CCL26: variants seen among roughly 807,000 people sequenced by gnomAD.
CCL26 encodes C-C motif chemokine 26.
In CCL26, 10 loss-of-function variants were observed where a neutral mutation model predicts 10.7. That is an observed-to-expected ratio of 0.93 (90% CI 0.57 to 1.58). CCL26 has a LOEUF of 1.58. CCL26 is among the 40% of genes most tolerant of loss of function. CCL26 has a pLI of 0.00. For missense variants in CCL26, 116 were observed against 111.0 expected (o/e 1.05, Z -0.20); for synonymous variants, 43 against 41.4 (o/e 1.04, Z -0.15).
At chr7:75,785,812 C>A (rs1803171429) in intron 1 of CCL26, among the ~76,000 whole-genome samples, 1 of 152,190 alleles carries the variant, frequency 6.6e-6, no homozygotes, top group Non-Finnish European at 1.5e-5. Flanking sequence ...TCATCCCAAC[C>A]CTTTTCATTA....
chr7:75,779,325 C>T lies in CCL26; in HGVS notation c.-78-7071G>A, dbSNP rs907206437. On this transcript the variant is annotated intron_variant, in intron 1 of 3. Coordinates refer to the CCL26 transcript ENST00000394905. ...GCGAGTGGAATTTGGTGCTGTGACT[C>T]GGATCGGGGGACCTCCCTTGGGAGA... 2.6e-5 allele frequency among the ~76,000 whole-genome samples: 4 copies of T among 152,188 alleles called. 1 individual carries two copies. The South Asian group carries it at 8.3e-4, about 32-fold the overall frequency.
chr7:75,769,815 C>A, intron 2 of CCL26, 26 bp from the exon 3 acceptor site: 1 of 1,413,598 alleles, frequency 7.1e-7, no homozygotes, highest in South Asian at 1.2e-5. Context: ...ACGGATAAGT[C>A]AATATTGAGA....
intron 1 of CCL26, among the ~76,000 whole-genome samples, chr7:75,781,221 C>T (rs552423128): frequency 3.9e-5 from 6 of 152,324 alleles, no homozygotes; most frequent in South Asian, 2.1e-4. Flanking sequence ...TCAAACCCCA[C>T]GACAGGACTT....
In CCL26 at chr7:75,787,651, C is replaced by CAAAAAAAAAAA. The variant is rs55770109; in HGVS notation, c.-79+2055_-79+2065dup. On this transcript the variant is annotated intron_variant, in intron 1 of 3. Transcript: ENST00000394905. The stretch of plus-strand genomic sequence containing the variant: ...CAGAGTGAGACTCCGTCTCCAAAAG[C>CAAAAAAAAAAA]AAAAAAAAAAAAAAAAAAAAAAAGA... 2.9e-3 allele frequency among the ~76,000 whole-genome samples: 80 copies of CAAAAAAAAAAA among 27,726 alleles called. 14 individuals carry two copies. Among genetic ancestry groups the CAAAAAAAAAAA allele is most frequent in the South Asian group, 9.1e-3 (3 of 328 alleles). 18.2% of individuals were successfully genotyped at this position (27,726 alleles called of 152,430 possible). A position where few individuals can be genotyped will look rare whatever the true frequency, so the allele number is the denominator to read the frequency against.
At chr7:75,786,297 A>G (rs1803182998) in intron 1 of CCL26, among the ~76,000 whole-genome samples, 1 of 152,004 alleles carries the variant, frequency 6.6e-6, no homozygotes, top group Non-Finnish European at 1.5e-5. Flanking sequence ...TGGCAGTTCC[A>G]CCAGGCCTGA....
chr7:75,774,922 T>TA (rs1349833340), upstream of CCL26, among the ~76,000 whole-genome samples: 6 of 151,016 alleles, frequency 4.0e-5, no homozygotes, highest in East Asian at 2.0e-4. Flanking sequence ...TCTGTCTCTT[T>TA]AAAAAAAGAA....
At chr7:75,778,769 A>C (rs578259653) in intron 1 of CCL26, among the ~76,000 whole-genome samples, 26 of 151,850 alleles carry the variant, frequency 1.7e-4, no homozygotes, top group African/African-American at 6.3e-4. Context: ...CATGCCCATA[A>C]AACTAATCTT....
chr7:75,778,943 A>T (rs375934522), intron 1 of CCL26, among the ~76,000 whole-genome samples: 10 of 152,130 alleles, frequency 6.6e-5, no homozygotes, highest in African/African-American at 2.4e-4. Context: ...CTAAGCCATC[A>T]TATCCCCAGT....
At chr7:75,791,519 G>A (rs1803333060), upstream of CCL26, among the ~76,000 whole-genome samples, 1 of 139,720 alleles carries the variant, frequency 7.2e-6, no homozygotes, top group Non-Finnish European at 1.6e-5. Context: ...TCTCCCAGGA[G>A]CCCCCATCTG....
intron 1 of CCL26, among the ~76,000 whole-genome samples, chr7:75,788,902 G>C (rs1336640187): frequency 6.6e-6 from 1 of 151,456 alleles, no homozygotes; most frequent in African/African-American, 2.4e-5. Flanking sequence ...TACTCTTAGA[G>C]TTTGCATACC....
chr7:75,774,123 G>C (rs1453957982), upstream of CCL26, among the ~76,000 whole-genome samples: 2 of 152,140 alleles, frequency 1.3e-5, no homozygotes, highest in Non-Finnish European at 2.9e-5. Context: ...ACAACAGTCT[G>C]GATGATCATG....
chr7:75,784,107 C>T (rs1290168416), intron 1 of CCL26, among the ~76,000 whole-genome samples: 2 of 152,140 alleles, frequency 1.3e-5, no homozygotes, highest in African/African-American at 4.8e-5. Context: ...TGAGACAAAC[C>T]CCAGCCACAT....
chr7:75,790,973 A>G (rs1442382511), upstream of CCL26, among the ~76,000 whole-genome samples: 2 of 149,886 alleles, frequency 1.3e-5, no homozygotes, highest in East Asian at 3.9e-4. Context: ...TTCACCCAAG[A>G]GGCATGTCTG....
At chr7:75,790,183 CTTT>C (rs782513252), upstream of CCL26, among the ~76,000 whole-genome samples, 6,225 of 70,822 alleles carry the variant, frequency 0.088, 367 homozygotes, top group Admixed American at 0.18. Flanking sequence ...TCCTTCCTTT[CTTT>C]CTTTCTTTCT....
intron 1 of CCL26, among the ~76,000 whole-genome samples, chr7:75,783,344 G>C (rs1289974818): frequency 2.6e-5 from 4 of 152,032 alleles, no homozygotes; most frequent in African/African-American, 9.7e-5. Flanking sequence ...CCGGCTTCAC[G>C]AGCCAGACCT....
chr7:75,790,664 C>T (rs1428650606), upstream of CCL26, among the ~76,000 whole-genome samples: 1 of 152,104 alleles, frequency 6.6e-6, no homozygotes, highest in African/African-American at 2.4e-5. Context: ...ACATTTGAGG[C>T]TGGACATGGT....
At chr7:75,769,824 G>A (rs934499189) in intron 2 of CCL26, 35 bp from the exon 3 acceptor site, 6 of 1,318,192 alleles carry the variant, frequency 4.6e-6, no homozygotes, top group African/African-American at 2.9e-5. Flanking sequence ...TCAATATTGA[G>A]ACTCTTTGCC....
upstream of CCL26, among the ~76,000 whole-genome samples, chr7:75,775,308 C>T (rs1257871079): frequency 1.3e-5 from 2 of 152,074 alleles, no homozygotes; most frequent in Non-Finnish European, 2.9e-5. Context: ...AAATGCTTAA[C>T]TTGTCTTTTA....
At chr7:75,778,511 C>T (rs1396574699) in intron 1 of CCL26, among the ~76,000 whole-genome samples, 2 of 148,824 alleles carry the variant, frequency 1.3e-5, no homozygotes, top group Non-Finnish European at 3.0e-5. Context: ...TGATATATCT[C>T]ACTGTGGTTT....
Sources: allele counts gnomAD v4.1 joint callset (sites outside exome capture counted in the v4.1 genomes callset), GRCh38; gene constraint gnomAD v4.1.1; transcripts MANE v1.5; gene names NCBI Gene and HGNC (gene_info 2026-07-23, HGNC 2026-07-21).